NAA60: variants seen among roughly 807,000 people sequenced by gnomAD.
NAA60 encodes N-alpha-acetyltransferase 60.
Under a neutral mutation model 26.1 loss-of-function variants are expected in NAA60, and 8 were observed. The ratio of observed to expected loss-of-function variants is 0.31; its 90% CI spans 0.18 to 0.55. The LOEUF (loss-of-function observed/expected upper bound fraction) is 0.55. Among genes scored for constraint, NAA60 ranks in the 20% least tolerant of loss-of-function variants. The pLI is 0.93. For missense variants in NAA60, 290 were observed against 311.3 expected, an observed-to-expected ratio of 0.93 and a Z score of 0.51; for synonymous variants, 131 against 122.5, an observed-to-expected ratio of 1.07 and a Z score of -0.46.
intron 2 of NAA60, among the ~76,000 whole-genome samples, chr16:3,470,959 C>T (rs79630269): frequency 0.065 from 9,361 of 143,762 alleles, 382 homozygotes; most frequent in Admixed American, 0.088. Context: ...TTAGGTGTGA[C>T]GCGTTTCCAT....
chr16:3,482,607 A>C lies in NAA60; in HGVS notation c.337+9A>C. ...CAGGAAGCACGGCATAGGTAAGGGC[A>C]GCCGGGCCCGCGGCTTGGCGCCCAC... On this transcript the variant is annotated intron_variant, in intron 5 of 7. Coordinates refer to ENST00000407558, the MANE Select transcript of NAA60 (RefSeq NM_001083601.3). The C allele has an allele frequency of 6.3e-7, 1 of 1,589,620 alleles. No individual in the cohort carries two copies. The highest frequency in any genetic ancestry group is 8.6e-7 in the Non-Finnish European group (1 of 1,168,148).
intron 2 of NAA60, among the ~76,000 whole-genome samples, chr16:3,452,651 C>G (rs2034829814): frequency 6.9e-6 from 1 of 145,800 alleles, no homozygotes; most frequent in South Asian, 2.1e-4. Flanking sequence ...AAGACCCCGT[C>G]TCAAAAAAAA....
intron 6 of NAA60, 196 bp from the exon 7 acceptor site, chr16:3,484,503 T>A (rs1017463840): frequency 3.0e-6 from 2 of 666,810 alleles, no homozygotes; most frequent in African/African-American, 1.8e-5. Context: ...GACCCCACCC[T>A]CTGTTGTTTT....
intron 5 of NAA60, 80 bp from the exon 6 acceptor site, chr16:3,483,283 A>G: frequency 4.8e-6 from 5 of 1,044,642 alleles, no homozygotes; most frequent in African/African-American, 1.6e-5. Context: ...CGAGAGACTC[A>G]TGCAAAGCCC....
At chr16:3,476,647 G>T (rs946660520) in intron 3 of NAA60, among the ~76,000 whole-genome samples, 1 of 152,150 alleles carries the variant, frequency 6.6e-6, no homozygotes, top group African/African-American at 2.4e-5. Flanking sequence ...TCACAGCAAG[G>T]AGTTGGTTAC....
At chr16:3,457,238 G>C (rs1795700882) in intron 2 of NAA60, among the ~76,000 whole-genome samples, 2 of 152,066 alleles carry the variant, frequency 1.3e-5, no homozygotes, top group South Asian at 4.1e-4. Flanking sequence ...TTGAGGCCAG[G>C]GGTTCAAGAC....
intron 2 of NAA60, among the ~76,000 whole-genome samples, chr16:3,474,207 T>C (rs1351518524): frequency 6.6e-6 from 1 of 152,166 alleles, no homozygotes; most frequent in Non-Finnish European, 1.5e-5. Flanking sequence ...CCACACAAGT[T>C]AGGAGTCAGA....
At chr16:3,455,364 C>T (rs2034937675) in intron 2 of NAA60, among the ~76,000 whole-genome samples, 1 of 148,226 alleles carries the variant, frequency 6.7e-6, no homozygotes, top group Non-Finnish European at 1.5e-5. Flanking sequence ...AGCCACCGGG[C>T]ATAGCCAAAA....
chr16:3,453,801 A>T (rs2034876249), intron 2 of NAA60, among the ~76,000 whole-genome samples: 1 of 152,096 alleles, frequency 6.6e-6, no homozygotes, highest in African/African-American at 2.4e-5. Flanking sequence ...AAGTTGCAAT[A>T]TTGTTTTTGA....
chr16:3,485,610 C>T lies in NAA60; in HGVS notation c.*350C>T, dbSNP rs977776226. 8 of 456,420 alleles carry T rather than the reference C, an allele frequency of 1.8e-5. No individual in the cohort carries two copies. The highest frequency in any genetic ancestry group is 6.0e-5 in the African/African-American group (3 of 50,212). 28.3% of individuals were successfully genotyped at this position (456,420 alleles called of 1,614,324 possible). On this transcript the variant is annotated 3_prime_UTR_variant, in exon 8 of 8. Coordinates refer to ENST00000407558, the MANE Select transcript of NAA60 (RefSeq NM_001083601.3). ...TGCCCTCACTGGGCCTCTCCCACTC[C>T]GCTGCCTGTTCTTGCAGCTCCTTCC...
At chr16:3,475,268 T>G (rs571960152) in intron 2 of NAA60, among the ~76,000 whole-genome samples, 1 of 152,176 alleles carries the variant, frequency 6.6e-6, no homozygotes, top group East Asian at 1.9e-4. Context: ...TTTTGTATTT[T>G]TTGTAGAGAC....
At chr16:3,458,518 C>CAA (rs1202346313) in intron 2 of NAA60, among the ~76,000 whole-genome samples, 9 of 152,102 alleles carry the variant, frequency 5.9e-5, no homozygotes, top group African/African-American at 2.2e-4. Context: ...AGAGGGTGGT[C>CAA]CTCATGGGTA....
At chr16:3,444,860 T>A (rs1273806077) in intron 1 of NAA60, among the ~76,000 whole-genome samples, 1 of 152,224 alleles carries the variant, frequency 6.6e-6, no homozygotes, top group East Asian at 1.9e-4. Context: ...AATAATTGTT[T>A]GGGGCCCATC....
intron 2 of NAA60, among the ~76,000 whole-genome samples, chr16:3,461,030 G>A (rs1044441285): frequency 7.6e-6 from 1 of 131,190 alleles, no homozygotes; most frequent in African/African-American, 3.3e-5. Flanking sequence ...AGCCTCCTCA[G>A]TCGTTGGGGT....
At chr16:3,481,832 A>T (rs908092001) in intron 4 of NAA60, among the ~76,000 whole-genome samples, 4 of 152,192 alleles carry the variant, frequency 2.6e-5, no homozygotes, top group Non-Finnish European at 5.9e-5. Context: ...GAGCCTGGAC[A>T]GGCTGACCCC....
chr16:3,448,307 G>A lies in NAA60; in HGVS notation c.-76-164G>A, dbSNP rs571696067. 3.0e-4 allele frequency among the ~76,000 whole-genome samples: 44 copies of A among 144,522 alleles called. 2 individuals carry two copies. The highest frequency in any genetic ancestry group is 2.7e-3 in the Admixed American group (39 of 14,266). The allele number at this position is 144,522 out of a possible 152,430, so 94.8% of individuals were successfully genotyped here. On this transcript the variant is annotated intron_variant, in intron 1 of 7. Coordinates refer to ENST00000407558, the MANE Select transcript of NAA60 (RefSeq NM_001083601.3). ...AAAAAAAAAAAACATGGGTTGCTTT[G>A]TAGTTTAGAGAACTACATGTTTAGA...
intron 2 of NAA60, among the ~76,000 whole-genome samples, chr16:3,469,315 T>TTGC (rs1432948993): frequency 1.5e-5 from 2 of 133,912 alleles, no homozygotes; most frequent in African/African-American, 5.5e-5. Flanking sequence ...TGACTTTGCC[T>TTGC]TGCTGCTCCT....
chr16:3,482,525 C>G lies in NAA60; in HGVS notation c.264C>G (p.Asn88Lys). ...HKEDGDILAS[N>K]FSVDTQVAYI... ...AGGATGGAGATATTCTAGCATCCAA[C>G]TTCTCTGTTGACACACAAGTCGCGT... The change falls in exon 5 of 8, where the codon AAC becomes AAG. Residue 88 changes from asparagine (N) to lysine (K), a missense_variant. Transcript: ENST00000407558. The G allele has an allele frequency of 6.2e-7, 1 of 1,605,838 alleles. No individual in the cohort carries two copies. The highest frequency in any genetic ancestry group is 8.5e-7 in the Non-Finnish European group (1 of 1,176,228).
At chr16:3,483,049 G>T in intron 5 of NAA60, 1 of 502,698 alleles carries the variant, frequency 2.0e-6, no homozygotes, top group Non-Finnish European at 3.6e-6. Context: ...TTTAAACCCA[G>T]GCCCATCTAG....
Sources: allele counts gnomAD v4.1 joint callset (sites outside exome capture counted in the v4.1 genomes callset), GRCh38; gene constraint gnomAD v4.1.1; transcripts MANE v1.5; gene names NCBI Gene and HGNC (gene_info 2026-07-23, HGNC 2026-07-21).